The following ADARB2 variants were observed in gnomAD, a reference collection of about 807,000 sequenced individuals.
The protein encoded by ADARB2 is inactive double-stranded RNA-specific editase B2.
In ADARB2, 25 loss-of-function variants were observed where a neutral mutation model predicts 62.2. The ratio of observed to expected loss-of-function variants is 0.40; its 90% CI spans 0.29 to 0.56. The LOEUF (loss-of-function observed/expected upper bound fraction) is 0.56, where lower values mean the gene tolerates loss of function less well. ADARB2 is among the 20% of genes least tolerant of loss of function. The pLI, the probability that ADARB2 is intolerant of heterozygous loss-of-function variation, is 0.43. For missense variants in ADARB2, 1,071 were observed against 1,077.4 expected, an observed-to-expected ratio of 0.99 and a Z score of 0.08; for synonymous variants, 572 against 500.8, an observed-to-expected ratio of 1.14 and a Z score of -1.90.
At position 1,375,815 on chromosome 10, in the gene ADARB2, ATG is replaced by A. The variant is rs1211863201; in HGVS notation, c.187+3257_187+3258del. ...ACACACGCACACACACACCACACACATGCACACACACACGTGCACACACCGCA... is the reference window on the plus strand; with the variant it reads ...ACACACGCACACACACACCACACACACACACACACACGTGCACACACCGCA... On this transcript the variant is annotated intron_variant, in intron 2 of 9. Transcript: ENST00000381312. Among the ~76,000 whole-genome samples the A allele has an allele frequency of 3.1e-4, 12 of 38,202 alleles. No individual in the cohort carries two copies. In the East Asian group the frequency reaches 0.033, roughly 105 times the overall value. The allele number at this position is 38,202 out of a possible 152,430, so 25.1% of individuals were successfully genotyped here. A position where few individuals can be genotyped will look rare whatever the true frequency, so the allele number is the denominator to read the frequency against.
intron 1 of ADARB2, among the ~76,000 whole-genome samples, chr10:1,595,161 T>C (rs987968089): frequency 6.6e-6 from 1 of 152,198 alleles, no homozygotes; most frequent in African/African-American, 2.4e-5. Flanking sequence ...TTCCTCCGCA[T>C]GGATAATCTT....
chr10:1,703,027 C>T (rs1834842614), intron 1 of ADARB2, among the ~76,000 whole-genome samples: 1 of 152,186 alleles, frequency 6.6e-6, no homozygotes, highest in Non-Finnish European at 1.5e-5. Context: ...AGAAAAAAGA[C>T]ACAAACACAA....
intron 3 of ADARB2, among the ~76,000 whole-genome samples, chr10:1,342,044 G>A (rs1470178855): frequency 6.6e-6 from 1 of 152,206 alleles, no homozygotes; most frequent in Non-Finnish European, 1.5e-5. Flanking sequence ...GCCAGGTTTT[G>A]TCTGGAATTT....
intron 1 of ADARB2, among the ~76,000 whole-genome samples, chr10:1,577,326 T>TGTC: frequency 4.0e-5 from 6 of 149,096 alleles, no homozygotes; most frequent in Middle Eastern, 3.5e-3. Flanking sequence ...TGTAAGGCCA[T>TGTC]CCAGAAGCTG....
intron 1 of ADARB2, among the ~76,000 whole-genome samples, chr10:1,526,394 C>G (rs1832142360): frequency 6.6e-6 from 1 of 151,524 alleles, no homozygotes; most frequent in Non-Finnish European, 1.5e-5. Context: ...CTCCAGATCT[C>G]ATGTTGAAAC....
At chr10:1,600,961 G>A (rs1210242248) in intron 1 of ADARB2, among the ~76,000 whole-genome samples, 1 of 152,170 alleles carries the variant, frequency 6.6e-6, no homozygotes, top group Non-Finnish European at 1.5e-5. Flanking sequence ...CGATGATGAC[G>A]GCGGCCGCAG....
At chr10:1,411,511 G>C (rs1225492791) in intron 1 of ADARB2, among the ~76,000 whole-genome samples, 7 of 152,182 alleles carry the variant, frequency 4.6e-5, no homozygotes, top group African/African-American at 1.7e-4. Context: ...ACCCAAAGCG[G>C]GAATTTGAAG....
chr10:1,184,368 T>G (rs1589144777), intron 9 of ADARB2, among the ~76,000 whole-genome samples: 4 of 152,312 alleles, frequency 2.6e-5, no homozygotes, highest in Admixed American at 2.6e-4. Context: ...TATCCCTACT[T>G]GTGAAGGAGA....
At chr10:1,365,506 A>G (rs2131852012) in intron 2 of ADARB2, among the ~76,000 whole-genome samples, 1 of 152,320 alleles carries the variant, frequency 6.6e-6, no homozygotes, top group Non-Finnish European at 1.5e-5. Flanking sequence ...AGAAGGCATG[A>G]TGATGGCCAA....
chr10:1,206,170 C>T (rs576049486), intron 7 of ADARB2, among the ~76,000 whole-genome samples: 4 of 152,358 alleles, frequency 2.6e-5, no homozygotes, highest in South Asian at 2.1e-4. Flanking sequence ...CAAGTCTACC[C>T]TGCAACACGC....
intron 5 of ADARB2, among the ~76,000 whole-genome samples, chr10:1,234,502 G>A (rs1188120776): frequency 6.6e-5 from 10 of 151,904 alleles, no homozygotes; most frequent in Admixed American, 5.2e-4. Context: ...GTGCAGTAGC[G>A]TGATCACGGC....
At chr10:1,467,310 A>G (rs1831266160) in intron 1 of ADARB2, among the ~76,000 whole-genome samples, 1 of 152,196 alleles carries the variant, frequency 6.6e-6, no homozygotes, top group Non-Finnish European at 1.5e-5. Flanking sequence ...CCCCATCTTC[A>G]AAGCAAACAT....
chr10:1,432,853 A>C (rs954916811), intron 1 of ADARB2, among the ~76,000 whole-genome samples: 6 of 152,116 alleles, frequency 3.9e-5, no homozygotes, highest in African/African-American at 1.4e-4. Context: ...GCATCCCCCA[A>C]GGGCAAGGGT....
chr10:1,631,239 C>T (rs1420433063), intron 1 of ADARB2, among the ~76,000 whole-genome samples: 1 of 152,178 alleles, frequency 6.6e-6, no homozygotes, highest in African/African-American at 2.4e-5. Flanking sequence ...TGTCTTCCTT[C>T]TTTACTTTCT....
At chr10:1,192,060 T>A (rs1175403701) in intron 8 of ADARB2, among the ~76,000 whole-genome samples, 1 of 152,230 alleles carries the variant, frequency 6.6e-6, no homozygotes, top group East Asian at 1.9e-4. Flanking sequence ...TATAAAAAGA[T>A]GCCTGACTTG....
chr10:1,253,774 T>C (rs1368613098), intron 4 of ADARB2, among the ~76,000 whole-genome samples: 1 of 152,166 alleles, frequency 6.6e-6, no homozygotes, highest in African/African-American at 2.4e-5. Context: ...TGTCCTGGAC[T>C]AGAAGGTGTG....
intron 1 of ADARB2, among the ~76,000 whole-genome samples, chr10:1,498,431 G>A (rs1042889280): frequency 4.0e-5 from 6 of 151,224 alleles, no homozygotes; most frequent in Non-Finnish European, 4.4e-5. Flanking sequence ...AAAAACAAAG[G>A]AAAAGAAAAG....
chr10:1,449,144 C>T (rs1533484), intron 1 of ADARB2, among the ~76,000 whole-genome samples: 39,833 of 152,100 alleles, frequency 0.26, 5,793 homozygotes, highest in East Asian at 0.61. Flanking sequence ...CCCCCTCACC[C>T]GAGTGACCCC....
At chr10:1,276,263 A>G (rs527781885) in intron 3 of ADARB2, among the ~76,000 whole-genome samples, 2 of 152,236 alleles carry the variant, frequency 1.3e-5, no homozygotes, top group Non-Finnish European at 2.9e-5. Context: ...GCCAGTGATG[A>G]TGAGCATTTT....
Sources: allele counts gnomAD v4.1 joint callset (sites outside exome capture counted in the v4.1 genomes callset), GRCh38; gene constraint gnomAD v4.1.1; transcripts MANE v1.5; gene names NCBI Gene and HGNC (gene_info 2026-07-23, HGNC 2026-07-21).